The following OR2T8 variants were observed in gnomAD, a reference collection of about 807,000 sequenced individuals.
OR2T8 encodes olfactory receptor family 2 subfamily T member 8.
For synonymous variants in OR2T8, 56 were observed against 154.3 expected, an observed-to-expected ratio of 0.36 and a Z score of 4.72; for missense variants, 161 against 389.4, an observed-to-expected ratio of 0.41 and a Z score of 4.94.
Position 247,921,643 on chromosome 1 carries a change from T to C in OR2T8, c.626T>C (p.Phe209Ser). ...ICCVLMLLVP[F>S]SLILSSYGLI... is the part of the protein sequence containing the mutation. ...TGTGTGTTAATGCTCCTGGTCCCCT[T>C]TTCCCTCATCCTGTCCTCCTATGGT... Residue 209 changes from phenylalanine (F) to serine (S), a missense_variant, in exon 2 of 2, where the codon TTT becomes TCT. By Grantham distance (155) the Phe-to-Ser change is radical (BLOSUM62 -2). Transcript: ENST00000641945. 7.2e-7 allele frequency: 1 copy of C among 1,386,074 alleles called. No homozygotes were observed. Among genetic ancestry groups the C allele is most frequent in the Non-Finnish European group, 1.0e-6 (1 of 991,072 alleles). The allele number at this position is 1,386,074 out of a possible 1,614,324, so 85.9% of individuals were successfully genotyped here. A position where few individuals can be genotyped will look rare whatever the true frequency, so the allele number is the denominator to read the frequency against.
In OR2T8 at chr1:247,923,023, GA is replaced by G. The variant is rs538464515; in HGVS notation, c.*1076del. Among the ~76,000 whole-genome samples, 1 of 151,048 alleles carries G rather than the reference GA, an allele frequency of 6.6e-6. No individual in the cohort carries two copies. Among genetic ancestry groups the G allele is most frequent in the Non-Finnish European group, 1.5e-5 (1 of 67,752 alleles). On this transcript the variant is annotated 3_prime_UTR_variant, in exon 2 of 2. Transcript: ENST00000641945. Reference sequence around the variant, plus strand: ...TGTAAACTGTCTACTTCAGTTTTTGGAAAAAAAAATCTGTATATGCTTCCAA... The same window carrying G: ...TGTAAACTGTCTACTTCAGTTTTTGGAAAAAAAATCTGTATATGCTTCCAA...
rs1660038751 is a variant in OR2T8 at position 247,922,615 on chromosome 1, T to TG, written c.*659_*660insG. ...TTACCTCATTGTTACATTGCTTTTT[T>TG]TTACTGCTAAGTAGTATTTTGTTTT... On this transcript the variant is annotated 3_prime_UTR_variant, in exon 2 of 2. Coordinates refer to ENST00000641945, the MANE Select transcript of OR2T8 (RefSeq NM_001005522.2). 6.6e-6 allele frequency among the ~76,000 whole-genome samples: 1 copy of TG among 152,254 alleles called. No individual in the cohort carries two copies. The highest frequency in any genetic ancestry group is 1.5e-5 in the Non-Finnish European group (1 of 68,038).
Position 247,922,781 on chromosome 1 carries a change from G to T in OR2T8, c.*825G>T, listed in dbSNP as rs188044579. Among the ~76,000 whole-genome samples, 112 of 152,236 alleles carry T rather than the reference G, an allele frequency of 7.4e-4. No individual in the cohort carries two copies. The highest frequency in any genetic ancestry group is 2.6e-3 in the African/African-American group (110 of 41,536). On this transcript the variant is annotated 3_prime_UTR_variant, in exon 2 of 2. Coordinates refer to ENST00000641945, the MANE Select transcript of OR2T8 (RefSeq NM_001005522.2). ...TTTTATTTTTCTTGGTAGGTGTCTG[G>T]TGAACTCTTCAGTAAACTGTTTTCA...
At position 247,922,240 on chromosome 1, in the gene OR2T8, A is replaced by G. The variant is rs1660034070; in HGVS notation, c.*284A>G. Among the ~76,000 whole-genome samples the G allele has an allele frequency of 6.6e-6, 1 of 152,250 alleles. No homozygotes were observed. ...TAATTTTTTGTTCAAAGAATGAATT[A>G]ACCATTCAAGCAGTTTTGAAAGTTG... On this transcript the variant is annotated 3_prime_UTR_variant, in exon 2 of 2. Transcript: ENST00000641945.
chr1:247,921,736 C>G lies in OR2T8; in HGVS notation c.719C>G (p.Ser240Cys), dbSNP rs753513933. The change falls in exon 2 of 2, where the codon TCT (serine) becomes TGT (cysteine). Residue 240 changes from serine (S) to cysteine (C), a missense_variant. By Grantham distance (112) the Ser-to-Cys change is moderately radical (BLOSUM62 -1). Transcript: ENST00000641945. The stretch of plus-strand genomic sequence containing the variant: ...CGCAAGAAGGCCTTTGCCACCTGCT[C>G]TTCACATGTGGCTGTGGTGGGACTC... ...EARKKAFATC[S>C]SHVAVVGLFY... The G allele has an allele frequency of 4.4e-6, 7 of 1,592,952 alleles. No homozygotes were observed. In the African/African-American group the frequency reaches 9.6e-5, roughly 22 times the overall value.
Position 247,921,910 on chromosome 1 carries a change from C to A in OR2T8, c.893C>A (p.Ala298Asp). 1 of 1,614,128 alleles carries A rather than the reference C, an allele frequency of 6.2e-7. No homozygotes were observed. The highest frequency in any genetic ancestry group is 8.5e-7 in the Non-Finnish European group (1 of 1,180,036). The change falls in exon 2 of 2, where the codon GCC (alanine) becomes GAC (aspartate). Residue 298 changes from alanine (A) to aspartate (D), a missense_variant. Physicochemically the swap from Ala to Asp is moderately radical, Grantham distance 126. Coordinates refer to ENST00000641945, the MANE Select transcript of OR2T8 (RefSeq NM_001005522.2). ...YSVKNSEVKG[A>D]LTRCMGRCVA... Reference sequence around the variant, plus strand: ...GTGAAGAACAGTGAGGTGAAGGGAGCCCTGACAAGGTGTATGGGTCGGTGT... The same window carrying A: ...GTGAAGAACAGTGAGGTGAAGGGAGACCTGACAAGGTGTATGGGTCGGTGT...
rs200305171 is a variant in OR2T8 at position 247,921,537 on chromosome 1, C to T, written c.520C>T (p.His174Tyr). Residue 174 changes from histidine (H) to tyrosine (Y), a missense_variant, in exon 2 of 2, where the codon CAC (histidine) becomes TAC (tyrosine). By Grantham distance (83) the His-to-Tyr change is moderately conservative (BLOSUM62 2). Coordinates refer to ENST00000641945, the MANE Select transcript of OR2T8 (RefSeq NM_001005522.2). The part of the protein sequence containing the change: ...FPYCGAHEID[H>Y]FFCETPVLVR... ...ATATTGCGGTGCACACGAGATCGAT[C>T]ACTTCTTCTGCGAGACCCCCGTGCT... is the stretch of plus-strand genomic sequence containing the variant. The T allele has an allele frequency of 2.7e-4, 400 of 1,482,408 alleles. 3 individuals are homozygous for T. The East Asian group carries it at 8.3e-3, about 31-fold the overall frequency. 91.8% of individuals were successfully genotyped at this position (1,482,408 alleles called of 1,614,324 possible).
rs376667490 is a variant in OR2T8, at chr1:247,922,971, G to A, written c.*1015G>A. Among the ~76,000 whole-genome samples, 29 of 152,112 alleles carry A rather than the reference G, an allele frequency of 1.9e-4. No homozygotes were observed. The highest frequency in any genetic ancestry group is 1.4e-3 in the East Asian group (7 of 5,176). The stretch of plus-strand genomic sequence containing the variant: ...GACTAATAATGTTGAGGCCTCTTGC[G>A]TTAGCTTATTATCTATTGCCTATTG... On this transcript the variant is annotated 3_prime_UTR_variant, in exon 2 of 2. Coordinates refer to ENST00000641945, the MANE Select transcript of OR2T8 (RefSeq NM_001005522.2).
chr1:247,920,701 G>T (rs1443107016), intron 1 of OR2T8, among the ~76,000 whole-genome samples, 183 bp downstream of exon 1: 2 of 152,042 alleles, frequency 1.3e-5, no homozygotes, highest in Admixed American at 1.3e-4. Flanking sequence ...CACTTATGAT[G>T]GTACCAGATA....
rs778031908 is a variant in OR2T8, at chr1:247,921,597, G to A, written c.580G>A (p.Glu194Lys). The A allele has an allele frequency of 2.2e-5, 28 of 1,291,398 alleles. No homozygotes were observed. Among genetic ancestry groups the A allele is most frequent in the South Asian group, 1.7e-4 (14 of 83,924 alleles). 80.0% of individuals were successfully genotyped at this position (1,291,398 alleles called of 1,614,324 possible). A position where few individuals can be genotyped will look rare whatever the true frequency, so the allele number is the denominator to read the frequency against. Residue 194 changes from glutamate (E) to lysine (K), a missense_variant, in exon 2 of 2, where the codon GAA (glutamate) becomes AAA (lysine). Glu to Lys is a moderately conservative substitution (Grantham distance 56). Transcript: ENST00000641945. ...RLACADTSVF[E>K]NAMYICCVLM... ...GGCTTGTGCTGACACTTCAGTCTTC[G>A]AAAACGCCATGTACATCTGCTGTGT...
In OR2T8 at chr1:247,922,892, ATTC is replaced by A. The variant is rs1660043158; in HGVS notation, c.*941_*943del. 6.6e-6 allele frequency among the ~76,000 whole-genome samples: 1 copy of A among 152,202 alleles called. No homozygotes were observed. The highest frequency in any genetic ancestry group is 6.5e-5 in the Admixed American group (1 of 15,282). On this transcript the variant is annotated 3_prime_UTR_variant, in exon 2 of 2. Transcript: ENST00000641945. ...TGTCGATGTTTTCTTCATTTTAGCAATTCTTCTGAGTGTAGTAGGAACTCAGTT... is the reference window on the plus strand; with the variant it reads ...TGTCGATGTTTTCTTCATTTTAGCAATTCTGAGTGTAGTAGGAACTCAGTT...
rs1660038096 is a variant in OR2T8 at position 247,922,573 on chromosome 1, AAAATC to A, written c.*618_*622del. Among the ~76,000 whole-genome samples, 1 of 152,216 alleles carries A rather than the reference AAAATC, an allele frequency of 6.6e-6. No homozygotes were observed. The highest frequency in any genetic ancestry group is 1.5e-5 in the Non-Finnish European group (1 of 68,038). On this transcript the variant is annotated 3_prime_UTR_variant, in exon 2 of 2. Coordinates refer to ENST00000641945, the MANE Select transcript of OR2T8 (RefSeq NM_001005522.2). Reference sequence around the variant, plus strand: ...CCTTCTTTCAGCTTAATGTATTTCTAAAATCCCTCCACATTTTTACCTCATTGTTA... The same window carrying A: ...CCTTCTTTCAGCTTAATGTATTTCTACCTCCACATTTTTACCTCATTGTTA...
At position 247,921,935 on chromosome 1, in the gene OR2T8, T is replaced by C; in HGVS notation, c.918T>C (p.Cys306=). ...KGALTRCMGR[C]VALSRE The stretch of plus-strand genomic sequence containing the variant: ...CCCTGACAAGGTGTATGGGTCGGTG[T>C]GTGGCCTTAAGTCGTGAATAAGACT... Residue 306 remains cysteine, a synonymous_variant, in exon 2 of 2, where the codon TGT becomes TGC. Transcript: ENST00000641945. The C allele has an allele frequency of 6.2e-7, 1 of 1,614,128 alleles. No individual in the cohort carries two copies. The highest frequency in any genetic ancestry group is 8.5e-7 in the Non-Finnish European group (1 of 1,180,026).
rs372918711 is a variant in OR2T8 at position 247,921,824 on chromosome 1, C to T, written c.807C>T (p.Asp269=). The change falls in exon 2 of 2, where the codon GAC becomes GAT. Residue 269 remains aspartate (D), a synonymous_variant. Transcript: ENST00000641945. ...RPKSHRSTNH[D]KVVSAFYTMF... is the part of the protein sequence containing the mutation. Reference sequence around the variant, plus strand: ...AATCCCACAGGTCCACTAACCACGACAAGGTTGTGTCAGCCTTCTATACTA... The same window carrying T: ...AATCCCACAGGTCCACTAACCACGATAAGGTTGTGTCAGCCTTCTATACTA... The T allele has an allele frequency of 4.7e-5, 75 of 1,612,318 alleles. 1 individual carries two copies. In the East Asian group the frequency reaches 6.7e-4, roughly 14 times the overall value.
rs1315145459 is a variant in OR2T8, at chr1:247,921,008, A to G, written c.-10A>G. On this transcript the variant is annotated 5_prime_UTR_variant, in exon 2 of 2. Coordinates refer to ENST00000641945, the MANE Select transcript of OR2T8 (RefSeq NM_001005522.2). ...TTTCTCCATTTGCAGTGTCACTCTT[A>G]TTTGAAATCATGGAAAATGGGAGCT... 2 of 1,587,668 alleles carry G rather than the reference A, an allele frequency of 1.3e-6. No homozygotes were observed. The highest frequency in any genetic ancestry group is 2.7e-5 in the African/African-American group (2 of 74,350).
chr1:247,922,903 T>C lies in OR2T8; in HGVS notation c.*947T>C, dbSNP rs1025629426. On this transcript the variant is annotated 3_prime_UTR_variant, in exon 2 of 2. Coordinates refer to ENST00000641945, the MANE Select transcript of OR2T8 (RefSeq NM_001005522.2). ...TCTTCATTTTAGCAATTCTTCTGAG[T>C]GTAGTAGGAACTCAGTTTGCTTTTA... Among the ~76,000 whole-genome samples the C allele has an allele frequency of 6.6e-6, 1 of 152,230 alleles. No individual in the cohort carries two copies. Among genetic ancestry groups the C allele is most frequent in the African/African-American group, 2.4e-5 (1 of 41,462 alleles).
In OR2T8 at chr1:247,921,281, G is replaced by T. The variant is rs149893546; in HGVS notation, c.264G>T (p.Lys88Asn). 2.2e-4 allele frequency: 332 copies of T among 1,519,222 alleles called. 3 individuals are homozygous for T. In the African/African-American group the frequency reaches 4.4e-3, roughly 20 times the overall value. The allele number at this position is 1,519,222 out of a possible 1,614,324, so 94.1% of individuals were successfully genotyped here. A position where few individuals can be genotyped will look rare whatever the true frequency, so the allele number is the denominator to read the frequency against. The change falls in exon 2 of 2, where the codon AAG (lysine) becomes AAT (asparagine). Residue 88 changes from lysine (K) to asparagine (N), a missense_variant. Lys to Asn is a moderately conservative substitution (Grantham distance 94, BLOSUM62 0). Transcript: ENST00000641945. ...CGGCTGACTACTTGACCGGAAGTAA[G>T]GCCATCTCCCGCGCTGGCTGTGGTG... ...KMAADYLTGSKAISRAGCGAQ... is the reference protein window; with the variant it reads ...KMAADYLTGSNAISRAGCGAQ...
chr1:247,922,140 A>G lies in OR2T8; in HGVS notation c.*184A>G, dbSNP rs1163993445. On this transcript the variant is annotated 3_prime_UTR_variant, in exon 2 of 2. Coordinates refer to ENST00000641945, the MANE Select transcript of OR2T8 (RefSeq NM_001005522.2). ...TTCATTTACTCAGCTATCATTACCC[A>G]ATCAAATCATGGATTGTTAAAAATC... 1.3e-5 allele frequency among the ~76,000 whole-genome samples: 2 copies of G among 152,168 alleles called. No homozygotes were observed. Among genetic ancestry groups the G allele is most frequent in the African/African-American group, 2.4e-5 (1 of 41,438 alleles).
chr1:247,920,781 A>G (rs1177310523), intron 1 of OR2T8, among the ~76,000 whole-genome samples: 2 of 152,252 alleles, frequency 1.3e-5, no homozygotes, highest in African/African-American at 4.8e-5. Context: ...AAATTAATCA[A>G]TACTTAGCCT....
Sources: gnomAD v4.1 joint callset for allele counts (sites outside exome capture counted in the v4.1 genomes callset) on GRCh38, gnomAD v4.1.1 for gene constraint, MANE v1.5 for transcripts, NCBI Gene and HGNC (gene_info 2026-07-23, HGNC 2026-07-21) for gene names.